MED21: variants seen among roughly 807,000 people sequenced by gnomAD.
MED21 encodes mediator of RNA polymerase II transcription subunit 21.
In MED21, 9 loss-of-function variants were observed where a neutral mutation model predicts 18.2. That is an observed-to-expected ratio of 0.49 (90% CI 0.30 to 0.86). The LOEUF is 0.86. Among genes scored for constraint, MED21 ranks in the 40% least tolerant of loss-of-function variants. The pLI is 0.07. For synonymous variants in MED21, 73 were observed against 60.5 expected, an observed-to-expected ratio of 1.21 and a Z score of -0.96; for missense variants, 150 against 170.9, an observed-to-expected ratio of 0.88 and a Z score of 0.68.
At chr12:27,038,541 A>C (rs1170774168) in intron 2 of MED21, 1 of 152,220 alleles carries the variant, frequency 6.6e-6, no homozygotes, top group African/African-American at 2.4e-5. Flanking sequence ...GAACTTGATG[A>C]GTTAGGGCCA....
chr12:27,031,919 C>T (rs894940920), downstream of MED21, among the ~76,000 whole-genome samples: 1 of 152,032 alleles, frequency 6.6e-6, no homozygotes, highest in Non-Finnish European at 1.5e-5. Context: ...ACCCCTTGGC[C>T]CCACTTGGAA....
chr12:27,026,003 A>T lies in MED21; in HGVS notation c.43-417A>T, dbSNP rs1410780451. 3.3e-5 allele frequency among the ~76,000 whole-genome samples: 5 copies of T among 152,210 alleles called. No individual in the cohort carries two copies. The South Asian group carries it at 8.3e-4, about 25-fold the overall frequency. The stretch of plus-strand genomic sequence containing the variant: ...AAAGGAATCATATACTTTGTGCATG[A>T]GAAATAAATTTTTATTAAACATGGT... On this transcript the variant is annotated intron_variant, in intron 1 of 3. Transcript: ENST00000282892.
Position 27,028,866 on chromosome 12 carries a change from G to A in MED21, c.*405G>A, listed in dbSNP as rs1872193. 0.93 allele frequency: 922,762 copies of A among 987,088 alleles called. 431,685 individuals carry two copies. Among genetic ancestry groups the A allele is most frequent in the East Asian group, 1 (8,912 of 8,920 alleles). The allele number at this position is 987,088 out of a possible 1,614,324, so 61.1% of individuals were successfully genotyped here. A position where few individuals can be genotyped will look rare whatever the true frequency, so the allele number is the denominator to read the frequency against. Reference sequence around the variant, plus strand: ...ACAGACATAAGGGACATTTTAGTTTGGGCTAGTGTCCTGCCTCTTAGAGGT... The same window carrying A: ...ACAGACATAAGGGACATTTTAGTTTAGGCTAGTGTCCTGCCTCTTAGAGGT... On this transcript the variant is annotated 3_prime_UTR_variant, in exon 4 of 4. Transcript: ENST00000282892.
In MED21 at chr12:27,029,803, CA is replaced by C; in HGVS notation, c.*1343del. On this transcript the variant is annotated 3_prime_UTR_variant, in exon 4 of 4. Coordinates refer to ENST00000282892, the MANE Select transcript of MED21 (RefSeq NM_004264.5). Reference sequence around the variant, plus strand: ...TATAGTTTTGGGGGGAGAGAAGATTCAGTCAGAAAACTTATTCAAAGTACCT... The same window carrying C: ...TATAGTTTTGGGGGGAGAGAAGATTCGTCAGAAAACTTATTCAAAGTACCT... The C allele has an allele frequency of 1.0e-6, 1 of 991,212 alleles. No homozygotes were observed. The highest frequency in any genetic ancestry group is 1.2e-6 in the Non-Finnish European group (1 of 833,502). The allele number at this position is 991,212 out of a possible 1,614,324, so 61.4% of individuals were successfully genotyped here.
At chr12:27,031,585 C>G (rs995614486), downstream of MED21, among the ~76,000 whole-genome samples, 10 of 152,142 alleles carry the variant, frequency 6.6e-5, no homozygotes, top group Admixed American at 6.5e-4. Context: ...GCTTTTTAAT[C>G]CAGTCAGATC....
chr12:27,024,458 C>T (rs1054759886), intron 1 of MED21, among the ~76,000 whole-genome samples: 2 of 152,170 alleles, frequency 1.3e-5, no homozygotes, highest in Non-Finnish European at 2.9e-5. Flanking sequence ...TTGAATTCAC[C>T]AAGATAAATT....
chr12:27,032,655 G>A (rs1353334652), downstream of MED21, among the ~76,000 whole-genome samples: 1 of 152,142 alleles, frequency 6.6e-6, no homozygotes, highest in African/African-American at 2.4e-5. Context: ...TTCAGGAAAT[G>A]GCTTATTGCA....
chr12:27,032,245 A>G (rs1941624762), downstream of MED21, among the ~76,000 whole-genome samples: 1 of 152,136 alleles, frequency 6.6e-6, no homozygotes, highest in Non-Finnish European at 1.5e-5. Context: ...CTAAGTTACT[A>G]TCGTAACTGG....
downstream of MED21, among the ~76,000 whole-genome samples, chr12:27,033,098 C>G (rs981520505): frequency 6.6e-6 from 1 of 152,178 alleles, no homozygotes; most frequent in Non-Finnish European, 1.5e-5. Context: ...GAAGCATTCT[C>G]CTTATTGCAA....
chr12:27,034,772 C>T (rs1360855139), downstream of MED21, among the ~76,000 whole-genome samples: 2 of 152,028 alleles, frequency 1.3e-5, no homozygotes, highest in East Asian at 1.9e-4. Flanking sequence ...TTTTTGGAAA[C>T]GGAGTTTCGC....
chr12:27,038,687 A>C (rs1022522960), intron 2 of MED21: 1 of 152,264 alleles, frequency 6.6e-6, no homozygotes, highest in African/African-American at 2.4e-5. Context: ...AGACATGAAA[A>C]GTTGATTTAT....
downstream of MED21, among the ~76,000 whole-genome samples, chr12:27,035,109 G>T (rs1941641213): frequency 6.6e-6 from 1 of 152,158 alleles, no homozygotes; most frequent in African/African-American, 2.4e-5. Context: ...CAGCTACTCA[G>T]TTGGGAGGAT....
At chr12:27,025,646 A>G (rs1261167733) in intron 1 of MED21, among the ~76,000 whole-genome samples, 1 of 152,208 alleles carries the variant, frequency 6.6e-6, no homozygotes, top group Non-Finnish European at 1.5e-5. Flanking sequence ...GACTTTCAAT[A>G]CAAATTAAAT....
At position 27,028,144 on chromosome 12, in the gene MED21, A is replaced by G. The variant is rs1416130568; in HGVS notation, c.259-141A>G. ...AATAATTCACATGGGGAAAATTCTT[A>G]AAAGTTGTCTGATTTTTAGAATTTC... On this transcript the variant is annotated intron_variant, in intron 3 of 3. Coordinates refer to ENST00000282892, the MANE Select transcript of MED21 (RefSeq NM_004264.5). The G allele has an allele frequency of 4.5e-6, 5 of 1,113,224 alleles. No homozygotes were observed. The African/African-American group carries it at 7.8e-5, about 17-fold the overall frequency. The allele number at this position is 1,113,224 out of a possible 1,614,324, so 69.0% of individuals were successfully genotyped here. A position where few individuals can be genotyped will look rare whatever the true frequency, so the allele number is the denominator to read the frequency against.
downstream of MED21, among the ~76,000 whole-genome samples, chr12:27,032,327 A>G (rs1450303390): frequency 6.6e-6 from 1 of 152,190 alleles, no homozygotes; most frequent in African/African-American, 2.4e-5. Flanking sequence ...GTGGGGAGAT[A>G]AATAGAACTT....
In MED21 at chr12:27,030,266, A is replaced by G. The variant is rs1185925366; in HGVS notation, c.*1805A>G. The G allele has an allele frequency of 3.7e-4, 212 of 565,642 alleles. No individual in the cohort carries two copies. The Admixed American group carries it at 6.1e-3, about 16-fold the overall frequency. 35.0% of individuals were successfully genotyped at this position (565,642 alleles called of 1,614,324 possible). On this transcript the variant is annotated 3_prime_UTR_variant, in exon 4 of 4. Coordinates refer to ENST00000282892, the MANE Select transcript of MED21 (RefSeq NM_004264.5). ...CACTTCAGCCTCTTCAGTAACTGGG[A>G]CTACAGGCATGTACTACCACGTCCA...
chr12:27,029,085 G>C lies in MED21; in HGVS notation c.*624G>C. On this transcript the variant is annotated 3_prime_UTR_variant, in exon 4 of 4. Coordinates refer to ENST00000282892, the MANE Select transcript of MED21 (RefSeq NM_004264.5). ...CCTCTGTCAAGAGAATTTCCTGGCTGTTGTGAAAGAATTTTTCTACATCCT... is the reference window on the plus strand; with the variant it reads ...CCTCTGTCAAGAGAATTTCCTGGCTCTTGTGAAAGAATTTTTCTACATCCT... 1 of 985,344 alleles carries C rather than the reference G, an allele frequency of 1.0e-6. No homozygotes were observed. Among genetic ancestry groups the C allele is most frequent in the Non-Finnish European group, 1.2e-6 (1 of 829,900 alleles). The allele number at this position is 985,344 out of a possible 1,614,324, so 61.0% of individuals were successfully genotyped here.
intron 1 of MED21, among the ~76,000 whole-genome samples, 195 bp from the exon 2 acceptor site, chr12:27,026,225 T>TA (rs1347468944): frequency 1.3e-5 from 2 of 152,230 alleles, no homozygotes; most frequent in Non-Finnish European, 2.9e-5. Context: ...ATACCAAACT[T>TA]AGTTTCTTTG....
In MED21 at chr12:27,030,016, A is replaced by G. The variant is rs548479950; in HGVS notation, c.*1555A>G. On this transcript the variant is annotated 3_prime_UTR_variant, in exon 4 of 4. Coordinates refer to ENST00000282892, the MANE Select transcript of MED21 (RefSeq NM_004264.5). ...GGCAGGAATAAAGAAGGCATAATGT[A>G]TAGGGTAAATATAATAGACTTCTCT... The G allele has an allele frequency of 7.3e-6, 3 of 412,572 alleles. No individual in the cohort carries two copies. Among genetic ancestry groups the G allele is most frequent in the Non-Finnish European group, 1.3e-5 (3 of 234,102 alleles). 25.6% of individuals were successfully genotyped at this position (412,572 alleles called of 1,614,324 possible).
Sources: allele counts gnomAD v4.1 joint callset (sites outside exome capture counted in the v4.1 genomes callset), GRCh38; gene constraint gnomAD v4.1.1; transcripts MANE v1.5; gene names NCBI Gene and HGNC (gene_info 2026-07-23, HGNC 2026-07-21).